The following FAM240C variants were observed in gnomAD, a reference collection of about 807,000 sequenced individuals.
FAM240C encodes the protein protein FAM240C.
Under a neutral mutation model 10.0 loss-of-function variants are expected in FAM240C, and 14 were observed. That is an observed-to-expected ratio of 1.40 (90% CI 0.92 to 2.19). The LOEUF (loss-of-function observed/expected upper bound fraction) is 2.19. FAM240C is among the 30% of genes most tolerant of loss of function. The pLI is 0.00. For synonymous variants in FAM240C, 49 were observed against 44.3 expected (o/e 1.11, Z -0.42); for missense variants, 154 against 122.3 (o/e 1.26, Z -1.22).
upstream of FAM240C, among the ~76,000 whole-genome samples, chr2:241,900,790 A>G (rs1314682959): frequency 6.6e-6 from 1 of 152,050 alleles, no homozygotes; most frequent in Non-Finnish European, 1.5e-5. The surrounding 1 kb of genome is among the most constrained non-coding windows in gnomAD (Gnocchi z 4.5). Flanking sequence ...CTGCAGGCGA[A>G]ATGTATATCA....
At chr2:241,895,537 C>T (rs976176364) in intron 2 of FAM240C, among the ~76,000 whole-genome samples, 5 of 152,224 alleles carry the variant, frequency 3.3e-5, no homozygotes, top group African/African-American at 1.2e-4. Flanking sequence ...CACCAGCACA[C>T]GGGACCCTCT....
At chr2:241,896,313 G>A (rs968939002) in intron 2 of FAM240C, among the ~76,000 whole-genome samples, 4 of 152,200 alleles carry the variant, frequency 2.6e-5, no homozygotes, top group Non-Finnish European at 5.9e-5. Flanking sequence ...AGGAGAGAAA[G>A]GCGTGCTGGC....
intron 1 of FAM240C, chr2:241,899,038 C>T: frequency 1.0e-6 from 1 of 993,538 alleles, no homozygotes; most frequent in Non-Finnish European, 1.4e-6. Context: ...GGGAAGAACA[C>T]AGGGTGGCAG....
chr2:241,894,448 A>G, intron 2 of FAM240C, 109 bp from the exon 3 acceptor site: 1 of 1,250,202 alleles, frequency 8.0e-7, no homozygotes, highest in East Asian at 2.7e-5. Flanking sequence ...GGAGTATGAC[A>G]CTCCCTGCCA....
In FAM240C at chr2:241,894,335, G is replaced by A. The variant is rs1313960522; in HGVS notation, c.166C>T (p.Arg56Cys). ...TCCAGCTGCTCAGCCCATCCCACGC[G>A]GAGCCTGGGGCAGGGCGATAATTTC... ...RVRRSALNKL[R>C]VGWAEQLEGR... Residue 56 changes from arginine to cysteine, a missense_variant, in exon 3 of 3, where the codon CGC becomes TGC. Arg to Cys is a radical substitution (Grantham distance 180). Coordinates refer to ENST00000404031, the MANE Select transcript of FAM240C (RefSeq NM_001382368.1). The A allele has an allele frequency of 4.5e-6, 7 of 1,544,142 alleles. No individual in the cohort carries two copies. The highest frequency in any genetic ancestry group is 1.4e-5 in the African/African-American group (1 of 72,956).
At chr2:241,900,722 C>CTA (rs5839830), upstream of FAM240C, among the ~76,000 whole-genome samples, 14,186 of 152,048 alleles carry the variant, frequency 0.093, 1,499 homozygotes, top group East Asian at 0.48. This position sits in a 1 kb window ranked among gnomAD's most constrained non-coding sequence, Gnocchi z 4.5. Context: ...GTCGGGGCAC[C>CTA]TAGGAGTCCT....
At chr2:241,901,458 T>G (rs1559470885), upstream of FAM240C, among the ~76,000 whole-genome samples, 1 of 152,092 alleles carries the variant, frequency 6.6e-6, no homozygotes, top group Non-Finnish European at 1.5e-5. This position sits in a 1 kb window ranked among gnomAD's most constrained non-coding sequence, Gnocchi z 4.9. Context: ...ACACTTATTT[T>G]TTATATTATC....
intron 1 of FAM240C, among the ~76,000 whole-genome samples, chr2:241,898,827 G>T (rs562812635): frequency 6.6e-6 from 1 of 152,176 alleles, no homozygotes; most frequent in East Asian, 1.9e-4. Flanking sequence ...GGTGGGTCTC[G>T]GAATGAATGA....
At chr2:241,901,563 G>A (rs781229754), upstream of FAM240C, among the ~76,000 whole-genome samples, 1 of 152,142 alleles carries the variant, frequency 6.6e-6, no homozygotes, top group Non-Finnish European at 1.5e-5. The surrounding 1 kb of genome is among the most constrained non-coding windows in gnomAD (Gnocchi z 4.9). Context: ...GTGTGCTCAG[G>A]ACACCTTGAT....
intron 1 of FAM240C, 21 bp from the exon 2 acceptor site, chr2:241,897,355 A>C: frequency 1.9e-6 from 3 of 1,548,562 alleles, no homozygotes; most frequent in Non-Finnish European, 2.6e-6. Context: ...AAAAGTGGAG[A>C]AGAGCTCAGT....
intron 2 of FAM240C, 21 bp from the exon 3 acceptor site, chr2:241,894,360 C>T (rs766668890): frequency 1.4e-5 from 21 of 1,530,810 alleles, no homozygotes; most frequent in African/African-American, 1.2e-4. Flanking sequence ...GCGATAATTT[C>T]GGCATTGTGA....
rs1701863033 is a variant in FAM240C at position 241,897,071 on chromosome 2, T to C, written c.161+115A>G. The C allele has an allele frequency of 1.4e-5, 16 of 1,168,096 alleles. No individual in the cohort carries two copies. In the South Asian group the frequency reaches 2.1e-4, roughly 16 times the overall value. 72.4% of individuals were successfully genotyped at this position (1,168,096 alleles called of 1,614,324 possible). A position where few individuals can be genotyped will look rare whatever the true frequency, so the allele number is the denominator to read the frequency against. On this transcript the variant is annotated intron_variant, in intron 2 of 2. Transcript: ENST00000404031. The stretch of plus-strand genomic sequence containing the variant: ...ACAGGCCTGGAGCTGAGGGGTTTCA[T>C]GGTGGGCTGAGGGCCAGGGCTGTGT...
intron 1 of FAM240C, among the ~76,000 whole-genome samples, chr2:241,899,586 C>T (rs953144242): frequency 9.2e-5 from 14 of 152,312 alleles, no homozygotes; most frequent in Admixed American, 5.2e-4. Context: ...AGATTCAAAC[C>T]GAGTAACAGC....
At chr2:241,894,554 G>T (rs1701741042) in intron 2 of FAM240C, among the ~76,000 whole-genome samples, 1 of 116,240 alleles carries the variant, frequency 8.6e-6, no homozygotes, top group Non-Finnish European at 1.7e-5. Context: ...CTTGGCTCAG[G>T]CTGCTGACCA....
intron 1 of FAM240C, chr2:241,899,419 C>T (rs1033669777): frequency 2.2e-5 from 18 of 835,364 alleles, no homozygotes; most frequent in Middle Eastern, 6.1e-4. Flanking sequence ...GTGCTGAGGA[C>T]GCTGGCGCGA....
intron 1 of FAM240C, among the ~76,000 whole-genome samples, chr2:241,897,966 C>T (rs921090125): frequency 8.5e-5 from 13 of 152,156 alleles, no homozygotes; most frequent in African/African-American, 3.1e-4. Flanking sequence ...AGCTCCTGGG[C>T]TCAAGCAGTC....
At position 241,895,897 on chromosome 2, in the gene FAM240C, A is replaced by G. The variant is rs185418115; in HGVS notation, c.161+1289T>C. ...GGCACGCGGAGGCACGTAGGCACAC[A>G]CAGGCACACGTCCAGGAAGCACAGG... On this transcript the variant is annotated intron_variant, in intron 2 of 2. Transcript: ENST00000404031. 5.8e-3 allele frequency among the ~76,000 whole-genome samples: 865 copies of G among 149,506 alleles called. 4 individuals carry two copies. Among genetic ancestry groups the G allele is most frequent in the Non-Finnish European group, 7.3e-3 (488 of 67,290 alleles).
chr2:241,899,336 C>G (rs767626528), intron 1 of FAM240C: 419 of 985,314 alleles, frequency 4.3e-4, no homozygotes, highest in Non-Finnish European at 4.9e-4. Context: ...CCCATCGATG[C>G]CACGCCCTTT....
At chr2:241,895,313 C>T (rs1701766608) in intron 2 of FAM240C, among the ~76,000 whole-genome samples, 1 of 152,262 alleles carries the variant, frequency 6.6e-6, no homozygotes, top group Non-Finnish European at 1.5e-5. Context: ...AGACTTGGCG[C>T]CTCCGGGCCT....
Sources: gnomAD v4.1 joint callset for allele counts (sites outside exome capture counted in the v4.1 genomes callset) on GRCh38, gnomAD v4.1.1 for gene constraint, Gnocchi (gnomAD v3.1) non-coding constraint, MANE v1.5 for transcripts, NCBI Gene and HGNC (gene_info 2026-07-23, HGNC 2026-07-21) for gene names.